The following RMDN3 variants were observed in gnomAD, a reference collection of about 807,000 sequenced individuals.
RMDN3 encodes regulator of microtubule dynamics 3.
Under a neutral mutation model 61.8 loss-of-function variants are expected in RMDN3, and 41 were observed. That is an observed-to-expected ratio of 0.66 (90% CI 0.52 to 0.86). RMDN3 has a LOEUF of 0.86. Ranked by LOEUF, RMDN3 falls within the 40% of genes least tolerant of loss-of-function variation. The probability of loss-of-function intolerance (pLI) is 0.00; values close to 1 mark genes in which losing one functional copy is unlikely to be tolerated. For missense variants in RMDN3, 557 were observed against 585.3 expected (o/e 0.95, Z 0.50); for synonymous variants, 247 against 232.0 (o/e 1.06, Z -0.59).
intron 7 of RMDN3, 80 bp from the exon 8 acceptor site, chr15:40,738,656 T>C: frequency 2.9e-6 from 4 of 1,399,414 alleles, no homozygotes; most frequent in South Asian, 2.3e-5. Context: ...CACAGCCTAG[T>C]TGCATTGTCC....
intron 7 of RMDN3, chr15:40,738,911 A>C (rs114855639): frequency 7.1e-6 from 2 of 280,418 alleles, no homozygotes; most frequent in Non-Finnish European, 1.4e-5. Flanking sequence ...CTTGAAAAGC[A>C]TGAAAACAAT....
At position 40,748,048 on chromosome 15, in the gene RMDN3, C is replaced by A. The variant is rs146262541; in HGVS notation, c.525-2789G>T. On this transcript the variant is annotated intron_variant, in intron 4 of 12. Coordinates refer to ENST00000338376, the MANE Select transcript of RMDN3 (RefSeq NM_018145.3). Reference sequence around the variant, plus strand: ...GCAAGTTGGGTTCTGACAGAGGGAACTCAAGCTGTGTTTGGTACAATGCCC... The same window carrying A: ...GCAAGTTGGGTTCTGACAGAGGGAAATCAAGCTGTGTTTGGTACAATGCCC... Among the ~76,000 whole-genome samples the A allele has an allele frequency of 5.3e-3, 805 of 152,272 alleles. 9 individuals are homozygous for A. Among genetic ancestry groups the A allele is most frequent in the Middle Eastern group, 0.01 (3 of 294 alleles).
chr15:40,752,675 G>T (rs78829222), intron 2 of RMDN3, among the ~76,000 whole-genome samples: 1 of 152,140 alleles, frequency 6.6e-6, no homozygotes, highest in Non-Finnish European at 1.5e-5. Context: ...GAAGGACTAG[G>T]AGAAAGGGGG....
chr15:40,750,218 T>TTG (rs1555379331), intron 4 of RMDN3, among the ~76,000 whole-genome samples: 4 of 140,110 alleles, frequency 2.9e-5, no homozygotes, highest in African/African-American at 1.2e-4. Context: ...TCGTTTTTTT[T>TTG]TTTTTTTTTT....
At position 40,738,108 on chromosome 15, in the gene RMDN3, C is replaced by A. The variant is rs150376012; in HGVS notation, c.1048-66G>T. The A allele has an allele frequency of 6.6e-5, 100 of 1,517,194 alleles. No homozygotes were observed. In the East Asian group the frequency reaches 1.3e-3, roughly 20 times the overall value. The allele number at this position is 1,517,194 out of a possible 1,614,324, so 94.0% of individuals were successfully genotyped here. On this transcript the variant is annotated intron_variant, in intron 8 of 12. Coordinates refer to ENST00000338376, the MANE Select transcript of RMDN3 (RefSeq NM_018145.3). Reference sequence around the variant, plus strand: ...GAGTTGCTAAAAGAGAGGCAAGGGCCGGATGCAGTGGCTCATGCCTGTAAT... The same window carrying A: ...GAGTTGCTAAAAGAGAGGCAAGGGCAGGATGCAGTGGCTCATGCCTGTAAT...
rs759525541 is a variant in RMDN3 at position 40,737,219 on chromosome 15, C to T, written c.1279-15G>A. 27 of 1,613,400 alleles carry T rather than the reference C, an allele frequency of 1.7e-5. No homozygotes were observed. Among genetic ancestry groups the T allele is most frequent in the Non-Finnish European group, 2.0e-5 (24 of 1,179,424 alleles). ...TCTCTGTAGCACTGAAAAGAGACAA[C>T]AGTGAAACCTGATACTGTGTACTTT... On this transcript the variant is annotated splice_polypyrimidine_tract_variant and intron_variant, in intron 11 of 12. Transcript: ENST00000338376.
Position 40,736,309 on chromosome 15 carries a change from A to C in RMDN3, c.*232T>G, listed in dbSNP as rs187596143. On this transcript the variant is annotated 3_prime_UTR_variant, in exon 13 of 13. Coordinates refer to ENST00000338376, the MANE Select transcript of RMDN3 (RefSeq NM_018145.3). The stretch of plus-strand genomic sequence containing the variant: ...AGGTGTGAATCTTGATTTTTTTAAG[A>C]GATTACTCAAGGGAGAGAACAACAG... The C allele has an allele frequency of 1.3e-5, 6 of 464,218 alleles. No individual in the cohort carries two copies. The highest frequency in any genetic ancestry group is 1.2e-4 in the African/African-American group (6 of 48,742). 28.8% of individuals were successfully genotyped at this position (464,218 alleles called of 1,614,324 possible).
rs1023129012 is a variant in RMDN3 at position 40,735,957 on chromosome 15, A to G, written c.*584T>C. The G allele has an allele frequency of 1.3e-5, 2 of 152,242 alleles. No individual in the cohort carries two copies. Among genetic ancestry groups the G allele is most frequent in the African/African-American group, 4.8e-5 (2 of 41,462 alleles). 9.4% of individuals were successfully genotyped at this position (152,242 alleles called of 1,614,324 possible). A position where few individuals can be genotyped will look rare whatever the true frequency, so the allele number is the denominator to read the frequency against. On this transcript the variant is annotated 3_prime_UTR_variant, in exon 13 of 13. Coordinates refer to ENST00000338376, the MANE Select transcript of RMDN3 (RefSeq NM_018145.3). ...TAGGCAACTTTTCAGACATTGTTTTATAGCATCATAAACCCCATACCACTG... is the reference window on the plus strand; with the variant it reads ...TAGGCAACTTTTCAGACATTGTTTTGTAGCATCATAAACCCCATACCACTG...
At chr15:40,749,513 T>TCAAAA (rs919815458) in intron 4 of RMDN3, among the ~76,000 whole-genome samples, 4 of 152,126 alleles carry the variant, frequency 2.6e-5, no homozygotes, top group Non-Finnish European at 4.4e-5. Flanking sequence ...AGACCCTGTC[T>TCAAAA]CAAAACAAAA....
rs182071037 is a variant in RMDN3, at chr15:40,754,394, C to T, written c.187+203G>A. Among the ~76,000 whole-genome samples the T allele has an allele frequency of 5.3e-5, 8 of 152,278 alleles. No homozygotes were observed. In the East Asian group the frequency reaches 1.5e-3, roughly 29 times the overall value. On this transcript the variant is annotated intron_variant, in intron 2 of 12. Coordinates refer to ENST00000338376, the MANE Select transcript of RMDN3 (RefSeq NM_018145.3). ...AACTCCTGACCTCAGGTGATCCGCC[C>T]GCCTCGGCCTCCCAAAGTGCTGGGA...
intron 4 of RMDN3, among the ~76,000 whole-genome samples, chr15:40,746,442 G>A (rs538889086): frequency 4.0e-5 from 6 of 151,696 alleles, no homozygotes; most frequent in Admixed American, 6.6e-5. Flanking sequence ...GCGTGAACCC[G>A]GGAGGCAGAG....
chr15:40,736,324 G>C lies in RMDN3; in HGVS notation c.*217C>G. ...TTTTTTTAAGAGATTACTCAAGGGAGAGAACAACAGAAACGGAAGCCATGA... is the reference window on the plus strand; with the variant it reads ...TTTTTTTAAGAGATTACTCAAGGGACAGAACAACAGAAACGGAAGCCATGA... On this transcript the variant is annotated 3_prime_UTR_variant, in exon 13 of 13. Transcript: ENST00000338376. 1.9e-6 allele frequency: 1 copy of C among 512,928 alleles called. No homozygotes were observed. Among genetic ancestry groups the C allele is most frequent in the Non-Finnish European group, 3.4e-6 (1 of 291,160 alleles). The allele number at this position is 512,928 out of a possible 1,614,324, so 31.8% of individuals were successfully genotyped here.
In RMDN3 at chr15:40,748,349, C is replaced by T. The variant is rs189957582; in HGVS notation, c.524+3077G>A. On this transcript the variant is annotated intron_variant, in intron 4 of 12. Coordinates refer to ENST00000338376, the MANE Select transcript of RMDN3 (RefSeq NM_018145.3). The stretch of plus-strand genomic sequence containing the variant: ...AAGAATCATTCACCACGGCCACTGC[C>T]CTAGAGAACAGCCGGCTCAACCACA... Among the ~76,000 whole-genome samples the T allele has an allele frequency of 3.1e-3, 474 of 152,376 alleles. 2 individuals are homozygous for T. The highest frequency in any genetic ancestry group is 0.011 in the African/African-American group (462 of 41,588).
At chr15:40,752,864 A>G (rs969414701) in intron 2 of RMDN3, among the ~76,000 whole-genome samples, 6 of 152,172 alleles carry the variant, frequency 3.9e-5, no homozygotes, top group African/African-American at 1.4e-4. Context: ...CAAAAAAGAA[A>G]CCAGAGAGGC....
chr15:40,740,667 A>AAGGGAAGACTTC (rs1459481122), intron 6 of RMDN3, among the ~76,000 whole-genome samples: 5 of 152,000 alleles, frequency 3.3e-5, no homozygotes, highest in African/African-American at 7.2e-5. Flanking sequence ...AACGGCTTCT[A>AAGGGAAGACTTC]AGGGAAGACT....
intron 4 of RMDN3, among the ~76,000 whole-genome samples, chr15:40,746,660 A>C (rs1897578142): frequency 6.6e-6 from 1 of 152,166 alleles, no homozygotes. Flanking sequence ...GAAAACCAGA[A>C]ACCACAAGGT....
At chr15:40,754,948 G>A in intron 1 of RMDN3, 135 bp downstream of exon 1, 1 of 618,514 alleles carries the variant, frequency 1.6e-6, no homozygotes, top group South Asian at 2.0e-5. Flanking sequence ...GTGCACCCCA[G>A]TCTGAACCCT....
chr15:40,737,891 T>G, intron 9 of RMDN3, 74 bp downstream of exon 9: 1 of 1,556,068 alleles, frequency 6.4e-7, no homozygotes, highest in Non-Finnish European at 8.9e-7. Flanking sequence ...CTGAGGATCT[T>G]GTTCTTCCTG....
At chr15:40,752,212 A>G in intron 2 of RMDN3, 34 bp from the exon 3 acceptor site, 1 of 1,598,658 alleles carries the variant, frequency 6.3e-7, no homozygotes, top group Non-Finnish European at 8.6e-7. Flanking sequence ...CCAGTGACAC[A>G]CAGGAATATG....
Sources: gnomAD v4.1 joint callset for allele counts (sites outside exome capture counted in the v4.1 genomes callset) on GRCh38, gnomAD v4.1.1 for gene constraint, MANE v1.5 for transcripts, NCBI Gene and HGNC (gene_info 2026-07-23, HGNC 2026-07-21) for gene names.